ERBB4: variants seen among roughly 807,000 people sequenced by gnomAD.
ERBB4 encodes the protein receptor tyrosine-protein kinase erbB-4.
Under a neutral mutation model 158.0 loss-of-function variants are expected in ERBB4, and 42 were observed. The ratio of observed to expected loss-of-function variants is 0.27; its 90% CI spans 0.21 to 0.34. ERBB4 has a LOEUF of 0.34. ERBB4 is among the 10% of genes least tolerant of loss of function. ERBB4 has a pLI of 1.00. For synonymous variants in ERBB4, 583 were observed against 558.7 expected (o/e 1.04, Z -0.61); for missense variants, 1,333 against 1,624.1 (o/e 0.82, Z 3.08).
chr2:211,830,296 C>T (rs1161436223), intron 3 of ERBB4, among the ~76,000 whole-genome samples: 1 of 152,142 alleles, frequency 6.6e-6, no homozygotes, highest in Non-Finnish European at 1.5e-5. Flanking sequence ...TCAGTATCTG[C>T]TTCCCTGATC....
intron 22 of ERBB4, among the ~76,000 whole-genome samples, chr2:211,425,543 A>G (rs1328060807): frequency 6.6e-6 from 1 of 151,568 alleles, no homozygotes; most frequent in African/African-American, 2.4e-5. Context: ...CCTAAAATCT[A>G]TCATAAAAAT....
chr2:211,611,223 G>A (rs1317757975), intron 19 of ERBB4, among the ~76,000 whole-genome samples: 1 of 151,964 alleles, frequency 6.6e-6, no homozygotes, highest in Non-Finnish European at 1.5e-5. Context: ...ATCATATAGG[G>A]AGTTTAAGCT....
intron 16 of ERBB4, among the ~76,000 whole-genome samples, chr2:211,647,559 T>A (rs2070821628): frequency 6.6e-6 from 1 of 151,574 alleles, no homozygotes; most frequent in Admixed American, 6.6e-5. Context: ...CCATCCAACT[T>A]TGCAAGCCAG....
intron 1 of ERBB4, chr2:212,426,502 C>CGCTT: frequency 2.8e-6 from 1 of 356,328 alleles, no homozygotes; most frequent in Non-Finnish European, 5.6e-6. Context: ...AAACCTCAAT[C>CGCTT]TCTTTATCTC....
chr2:211,443,242 A>C (rs2125458259), intron 20 of ERBB4, among the ~76,000 whole-genome samples: 1 of 152,220 alleles, frequency 6.6e-6, no homozygotes, highest in African/African-American at 2.4e-5. Context: ...AGGTATAATA[A>C]ATTTTAATAT....
chr2:212,250,967 T>G (rs1448506811), intron 1 of ERBB4, among the ~76,000 whole-genome samples: 1 of 152,010 alleles, frequency 6.6e-6, no homozygotes, highest in East Asian at 1.9e-4. Context: ...TGAGAGATTT[T>G]GCAACAAGGG....
chr2:212,151,663 T>C (rs1487006156), intron 1 of ERBB4, among the ~76,000 whole-genome samples: 2 of 151,726 alleles, frequency 1.3e-5, no homozygotes, highest in African/African-American at 4.8e-5. Flanking sequence ...CCGAGGCAGG[T>C]TGATCACTTG....
intron 12 of ERBB4, among the ~76,000 whole-genome samples, chr2:211,687,304 C>CAAAAA (rs34737849): frequency 9.4e-6 from 1 of 106,192 alleles, no homozygotes; most frequent in Non-Finnish European, 1.9e-5. Flanking sequence ...GACTCCGTCT[C>CAAAAA]AAAAAAAAAA....
At chr2:212,258,175 T>A (rs1054345526) in intron 1 of ERBB4, among the ~76,000 whole-genome samples, 2 of 152,112 alleles carry the variant, frequency 1.3e-5, no homozygotes, top group Non-Finnish European at 2.9e-5. Context: ...TTTAAAAAAA[T>A]TTCAAGGTTC....
At chr2:212,363,839 GA>G (rs1489084115) in intron 1 of ERBB4, among the ~76,000 whole-genome samples, 1 of 151,530 alleles carries the variant, frequency 6.6e-6, no homozygotes, top group Non-Finnish European at 1.5e-5. Context: ...AAACTTTTAA[GA>G]ACTACCAATT....
At position 212,538,568 on chromosome 2, in the gene ERBB4, G is replaced by A; in HGVS notation, c.-38C>T. On this transcript the variant is annotated 5_prime_UTR_variant, in exon 1 of 28. Transcript: ENST00000342788. The stretch of plus-strand genomic sequence containing the variant: ...TCAGATCCCGTGCTGACAATTACAT[G>A]TCCAAATGGCATATCCCCCTTTCGG... 2 of 1,579,442 alleles carry A rather than the reference G, an allele frequency of 1.3e-6. No homozygotes were observed. The highest frequency in any genetic ancestry group is 1.7e-6 in the Non-Finnish European group (2 of 1,148,360).
chr2:212,154,442 T>C (rs373130586), intron 1 of ERBB4, among the ~76,000 whole-genome samples: 94 of 152,294 alleles, frequency 6.2e-4, no homozygotes, highest in African/African-American at 2.0e-3. Context: ...TAAAAACATA[T>C]GTGCATAGTT....
chr2:212,354,579 C>A (rs1010214542), intron 1 of ERBB4, among the ~76,000 whole-genome samples: 3 of 152,118 alleles, frequency 2.0e-5, no homozygotes, highest in African/African-American at 7.2e-5. Context: ...CTCATTCTTA[C>A]ACCAGCAATT....
In ERBB4 at chr2:211,756,034, T is replaced by C. The variant is rs145850026; in HGVS notation, c.557-5330A>G. On this transcript the variant is annotated intron_variant, in intron 4 of 27. Transcript: ENST00000342788. ...GAGAATAATACCTTTTTTATGACCA[T>C]ATAATTCAAAATAGGAAAGTAGAAC... Among the ~76,000 whole-genome samples the C allele has an allele frequency of 3.6e-3, 547 of 152,254 alleles. 5 individuals carry two copies. The highest frequency in any genetic ancestry group is 0.014 in the Middle Eastern group (4 of 294).
chr2:211,553,477 T>G (rs2067158363), intron 20 of ERBB4, among the ~76,000 whole-genome samples: 1 of 152,214 alleles, frequency 6.6e-6, no homozygotes, highest in South Asian at 2.1e-4. Context: ...TCTGAAATTT[T>G]AAAAGTCATA....
At chr2:211,512,947 C>T (rs61631854) in intron 20 of ERBB4, among the ~76,000 whole-genome samples, 39,557 of 151,832 alleles carry the variant, frequency 0.26, 6,432 homozygotes, top group African/African-American at 0.46. Flanking sequence ...GACTGGAAAA[C>T]AAGTTTTCAT....
At chr2:212,397,244 G>A (rs1196863147) in intron 1 of ERBB4, among the ~76,000 whole-genome samples, 2 of 152,058 alleles carry the variant, frequency 1.3e-5, no homozygotes, top group African/African-American at 4.8e-5. Flanking sequence ...AGAGACTGAG[G>A]CGGGAGGATC....
At chr2:211,581,997 G>A (rs767057881) in intron 19 of ERBB4, among the ~76,000 whole-genome samples, 1 of 151,790 alleles carries the variant, frequency 6.6e-6, no homozygotes, top group Non-Finnish European at 1.5e-5. Flanking sequence ...GTGACAGAGT[G>A]AGACTCCATC....
chr2:211,797,889 A>T (rs1462622829), intron 3 of ERBB4, among the ~76,000 whole-genome samples: 1 of 152,086 alleles, frequency 6.6e-6, no homozygotes, highest in Non-Finnish European at 1.5e-5. Flanking sequence ...AACAGTAATC[A>T]TCATTTTATA....
Sources: allele counts gnomAD v4.1 joint callset (sites outside exome capture counted in the v4.1 genomes callset), GRCh38; gene constraint gnomAD v4.1.1; transcripts MANE v1.5; gene names NCBI Gene and HGNC (gene_info 2026-07-23, HGNC 2026-07-21).